Variants in XPO6 observed in about 807,000 individuals in gnomAD.
XPO6 encodes the protein exportin-6.
Under a neutral mutation model 130.0 loss-of-function variants are expected in XPO6, and 3 were observed. The ratio of observed to expected loss-of-function variants is 0.02; its 90% CI spans 0.01 to 0.06. XPO6 has a LOEUF of 0.06. Ranked by LOEUF, XPO6 falls within the 10% of genes least tolerant of loss-of-function variation. XPO6 has a pLI of 1.00. For synonymous variants in XPO6, 524 were observed against 548.9 expected (o/e 0.95, Z 0.63); for missense variants, 970 against 1,393.0 (o/e 0.70, Z 4.83).
At chr16:28,138,690 G>A (rs1015498618) in intron 9 of XPO6, among the ~76,000 whole-genome samples, 2 of 152,092 alleles carry the variant, frequency 1.3e-5, no homozygotes, top group African/African-American at 4.8e-5. Flanking sequence ...GGCGGTCAAC[G>A]AGAGCCTAAA....
rs2141236481 is a variant in XPO6, at chr16:28,106,087, T to C, written c.2740A>G (p.Ile914Val). ...ACTTGCTCCATGCACAGGGCGATGATGCTGGGGAGGAAGGGCTTGAACACC... is the reference window on the plus strand; with the variant it reads ...ACTTGCTCCATGCACAGGGCGATGACGCTGGGGAGGAAGGGCTTGAACACC... The part of the protein sequence containing the change: ...GQVFKPFLPS[I>V]IALCMEQVYP... Residue 914 changes from isoleucine to valine, a missense_variant, in exon 20 of 24, where the codon ATC (isoleucine) becomes GTC (valine). By Grantham distance (29) the Ile-to-Val change is conservative (BLOSUM62 3). Transcript: ENST00000304658. This position sits in a 1 kb window ranked among gnomAD's most constrained non-coding sequence, Gnocchi z 4.2. The C allele has an allele frequency of 6.2e-7, 1 of 1,614,174 alleles. No homozygotes were observed. Among genetic ancestry groups the C allele is most frequent in the Middle Eastern group, 1.6e-4 (1 of 6,062 alleles).
chr16:28,209,224 T>C (rs950100171), intron 1 of XPO6: 4 of 152,158 alleles, frequency 2.6e-5, no homozygotes, highest in African/African-American at 4.8e-5. Flanking sequence ...TTTGGAGATA[T>C]ATGGTGGTGA....
At chr16:28,158,603 A>C (rs1266507126) in intron 6 of XPO6, among the ~76,000 whole-genome samples, 1 of 152,198 alleles carries the variant, frequency 6.6e-6, no homozygotes, top group Non-Finnish European at 1.5e-5. Context: ...ATAACTTACA[A>C]AGTGTTTTGA....
intron 1 of XPO6, among the ~76,000 whole-genome samples, chr16:28,191,820 G>A (rs1455784094): frequency 6.6e-6 from 1 of 152,206 alleles, no homozygotes; most frequent in African/African-American, 2.4e-5. Context: ...AAAGCATGCT[G>A]CAAATCTAAC....
At chr16:28,182,738 G>A (rs866790341) in intron 1 of XPO6, among the ~76,000 whole-genome samples, 1 of 152,150 alleles carries the variant, frequency 6.6e-6, no homozygotes, top group African/African-American at 2.4e-5. Context: ...CTTCTAAAAT[G>A]TTTCAAGTGT....
At chr16:28,153,188 A>C in intron 7 of XPO6, 1 of 998,826 alleles carries the variant, frequency 1.0e-6, no homozygotes, top group Non-Finnish European at 1.2e-6. Flanking sequence ...GAATGGTGCT[A>C]AAGACACAAA....
intron 12 of XPO6, among the ~76,000 whole-genome samples, chr16:28,131,936 G>A (rs2042678651): frequency 6.6e-6 from 1 of 152,208 alleles, no homozygotes; most frequent in African/African-American, 2.4e-5. Flanking sequence ...AGGGGGCAGG[G>A]GGACCACAGG....
Position 28,098,108 on chromosome 16 carries a change from A to C in XPO6, c.*430T>G, listed in dbSNP as rs1374144243. The C allele has an allele frequency of 1.2e-5, 2 of 161,044 alleles. No homozygotes were observed. The highest frequency in any genetic ancestry group is 4.8e-5 in the African/African-American group (2 of 41,836). The allele number at this position is 161,044 out of a possible 1,614,324, so 10.0% of individuals were successfully genotyped here. ...ATCTCTGACAAAGAGCAGAGATCTCAAGGCAATTGGGGCGGGGGAGGCTTG... is the reference window on the plus strand; with the variant it reads ...ATCTCTGACAAAGAGCAGAGATCTCCAGGCAATTGGGGCGGGGGAGGCTTG... On this transcript the variant is annotated 3_prime_UTR_variant, in exon 24 of 24. Transcript: ENST00000304658.
At chr16:28,162,536 GA>G (rs2043293412) in intron 6 of XPO6, among the ~76,000 whole-genome samples, 1 of 151,920 alleles carries the variant, frequency 6.6e-6, no homozygotes, top group African/African-American at 2.4e-5. Context: ...TAGAAGGAAT[GA>G]AGACATGGTT....
rs2086792150 is a variant in XPO6, at chr16:28,106,765, A to G, written c.2498-268T>C. 6.6e-6 allele frequency among the ~76,000 whole-genome samples: 1 copy of G among 152,208 alleles called. No individual in the cohort carries two copies. ...ATCTCGAACCCTCCCTCATTGCCCG[A>G]CATCCAGTGATGGTCAGAGTTTCAC... On this transcript the variant is annotated intron_variant, in intron 18 of 23. Transcript: ENST00000304658. This position sits in a 1 kb window ranked among gnomAD's most constrained non-coding sequence, Gnocchi z 4.2.
At chr16:28,116,103 G>A (rs2087046735) in intron 15 of XPO6, among the ~76,000 whole-genome samples, 1 of 152,232 alleles carries the variant, frequency 6.6e-6, no homozygotes, top group Non-Finnish European at 1.5e-5. Flanking sequence ...GTTCACTGAA[G>A]CAGAAATTTT....
Position 28,098,352 on chromosome 16 carries a change from G to A in XPO6, c.*186C>T, listed in dbSNP as rs1458347636. 5.3e-6 allele frequency: 3 copies of A among 567,588 alleles called. No homozygotes were observed. The highest frequency in any genetic ancestry group is 1.9e-5 in the African/African-American group (1 of 52,992). The allele number at this position is 567,588 out of a possible 1,614,324, so 35.2% of individuals were successfully genotyped here. A position where few individuals can be genotyped will look rare whatever the true frequency, so the allele number is the denominator to read the frequency against. ...TGGGAGCACCGTCCAGTGCTCAGGT[G>A]GACCCAGAAGCCAGCTCTGCTGGGC... On this transcript the variant is annotated 3_prime_UTR_variant, in exon 24 of 24. Coordinates refer to ENST00000304658, the MANE Select transcript of XPO6 (RefSeq NM_015171.4).
chr16:28,180,752 T>C (rs556412485), intron 2 of XPO6, among the ~76,000 whole-genome samples, 189 bp downstream of exon 2: 1 of 152,172 alleles, frequency 6.6e-6, no homozygotes, highest in Non-Finnish European at 1.5e-5. Context: ...TCCACAGTGA[T>C]GGATTTTCTT....
Position 28,125,670 on chromosome 16 carries a change from AAGGT to A in XPO6, c.1766+15_1766+18del, listed in dbSNP as rs747280888. 6 of 1,610,592 alleles carry A rather than the reference AAGGT, an allele frequency of 3.7e-6. No homozygotes were observed. The East Asian group carries it at 1.3e-4, about 36-fold the overall frequency. ...AACTCTGAAGAAGGAACAGCTCCAT[AAGGT>A]AACTGCCAGCCTACCTTTCCACGAC... is the stretch of plus-strand genomic sequence containing the variant. On this transcript the variant is annotated intron_variant, in intron 13 of 23. Transcript: ENST00000304658.
At chr16:28,194,687 G>C (rs895224558) in intron 1 of XPO6, among the ~76,000 whole-genome samples, 1 of 152,020 alleles carries the variant, frequency 6.6e-6, no homozygotes, top group Non-Finnish European at 1.5e-5. Flanking sequence ...AGTCTAGAAA[G>C]TTTTTCGGGG....
intron 1 of XPO6, among the ~76,000 whole-genome samples, chr16:28,208,564 A>AT (rs1463822296): frequency 6.6e-6 from 1 of 152,210 alleles, no homozygotes; most frequent in African/African-American, 2.4e-5. Context: ...GTGTACTTAA[A>AT]TAACTGAGGT....
At chr16:28,134,623 G>A (rs1021538594) in intron 10 of XPO6, among the ~76,000 whole-genome samples, 7 of 152,100 alleles carry the variant, frequency 4.6e-5, no homozygotes, top group Non-Finnish European at 8.8e-5. Flanking sequence ...TGACCATGCC[G>A]CAGTCACTCT....
chr16:28,209,549 A>G (rs1278748871), intron 1 of XPO6, among the ~76,000 whole-genome samples: 1 of 150,928 alleles, frequency 6.6e-6, no homozygotes, highest in Non-Finnish European at 1.5e-5. Context: ...CTGAGGCAGG[A>G]GAATCACTTG....
intron 1 of XPO6, among the ~76,000 whole-genome samples, chr16:28,200,268 C>T (rs534210783): frequency 2.0e-5 from 3 of 152,222 alleles, no homozygotes. Context: ...ATACCCTTAA[C>T]TTTTCAGGGA....
Sources: allele counts gnomAD v4.1 joint callset (sites outside exome capture counted in the v4.1 genomes callset), GRCh38; gene constraint gnomAD v4.1.1; non-coding constraint Gnocchi (gnomAD v3.1); transcripts MANE v1.5; gene names NCBI Gene and HGNC (gene_info 2026-07-23, HGNC 2026-07-21).